The following ST18 variants were observed in gnomAD, a reference collection of about 807,000 sequenced individuals.
ST18 encodes the protein ST18 C2H2C-type zinc finger transcription factor, also known as suppression of tumorigenicity 18 protein.
In ST18, 50 loss-of-function variants were observed where a neutral mutation model predicts 110.0. The observed-to-expected ratio is 0.45, with a 90% CI of 0.36 to 0.58. ST18 has a LOEUF of 0.58. ST18 is among the 20% of genes least tolerant of loss of function. ST18 has a pLI of 0.00. For missense variants in ST18, 1,306 were observed against 1,280.1 expected (o/e 1.02, Z -0.31); for synonymous variants, 461 against 452.4 (o/e 1.02, Z -0.24).
Position 52,126,110 on chromosome 8 carries a change from A to C in ST18, c.2697T>G (p.Val899=). 1 of 1,614,100 alleles carries C rather than the reference A, an allele frequency of 6.2e-7. No homozygotes were observed. The highest frequency in any genetic ancestry group is 8.5e-7 in the Non-Finnish European group (1 of 1,179,988). The part of the protein sequence containing the change: ...SLSGCPLNAQ[V]IKKGKVSEEL... ...CTTCAGAAACCTTGCCCTTTTTGATAACTTGTGCATTGAGAGGACATCCAG... is the reference window on the plus strand; with the variant it reads ...CTTCAGAAACCTTGCCCTTTTTGATCACTTGTGCATTGAGAGGACATCCAG... Residue 899 remains valine, a synonymous_variant, in exon 23 of 26, where the codon GTT becomes GTG. Transcript: ENST00000689386.
chr8:52,244,268 T>C (rs1392078234), intron 2 of ST18, among the ~76,000 whole-genome samples: 1 of 152,216 alleles, frequency 6.6e-6, no homozygotes, highest in African/African-American at 2.4e-5. Context: ...CACGCTGTTC[T>C]ATAATCTGAA....
At position 52,133,118 on chromosome 8, in the gene ST18, C is replaced by T. The variant is rs1335255404; in HGVS notation, c.2383G>A (p.Ala795Thr). The T allele has an allele frequency of 6.2e-7, 1 of 1,614,036 alleles. No individual in the cohort carries two copies. ...GTCATTTTGACACCACCTTTCCTTG[C>T]ACGAGGGCATCCGGACAAGCTGAAA... The part of the protein sequence containing the change: ...SHRSLSGCPR[A>T]RKGGVKMTPT... Residue 795 changes from alanine to threonine, a missense_variant, in exon 21 of 26, where the codon GCA becomes ACA. Ala to Thr is a moderately conservative substitution (Grantham distance 58). Transcript: ENST00000689386.
intron 2 of ST18, among the ~76,000 whole-genome samples, chr8:52,378,515 A>G (rs1266184348): frequency 6.6e-6 from 1 of 152,194 alleles, no homozygotes; most frequent in African/African-American, 2.4e-5. Flanking sequence ...ACGTGTTTTA[A>G]TGTTCTCAAA....
intron 19 of ST18, among the ~76,000 whole-genome samples, chr8:52,136,025 A>G (rs1258337873): frequency 6.6e-6 from 1 of 152,230 alleles, no homozygotes; most frequent in African/African-American, 2.4e-5. Flanking sequence ...TTCTATACGT[A>G]ATATAATAAG....
intron 8 of ST18, among the ~76,000 whole-genome samples, chr8:52,206,202 C>T (rs1342618122): frequency 2.0e-5 from 3 of 152,098 alleles, no homozygotes; most frequent in African/African-American, 7.2e-5. Flanking sequence ...GTCCTGACAA[C>T]CTTATGGGCT....
chr8:52,170,839 A>G (rs2064685686), intron 10 of ST18, among the ~76,000 whole-genome samples: 1 of 152,232 alleles, frequency 6.6e-6, no homozygotes, highest in Non-Finnish European at 1.5e-5. Context: ...TGAGTGCTAA[A>G]ATGGATTTAA....
chr8:52,161,302 T>C, intron 14 of ST18, 73 bp downstream of exon 14: 1 of 1,492,066 alleles, frequency 6.7e-7, no homozygotes, highest in South Asian at 1.3e-5. Context: ...TACAGCCCCC[T>C]GGCCCCCAGT....
intron 25 of ST18, among the ~76,000 whole-genome samples, chr8:52,115,664 C>T (rs571787886): frequency 1.3e-5 from 2 of 152,264 alleles, no homozygotes; most frequent in East Asian, 3.9e-4. Context: ...ATGATGTTCA[C>T]ACAACATCAA....
intron 8 of ST18, among the ~76,000 whole-genome samples, chr8:52,185,870 G>A (rs932734417): frequency 1.7e-4 from 26 of 152,080 alleles, no homozygotes; most frequent in African/African-American, 6.3e-4. Flanking sequence ...ACGACCTTGG[G>A]GTAGGCAAAA....
At chr8:52,313,653 C>G (rs1465600690) in intron 2 of ST18, among the ~76,000 whole-genome samples, 1 of 152,190 alleles carries the variant, frequency 6.6e-6, no homozygotes, top group African/African-American at 2.4e-5. Context: ...TGCAGCCACC[C>G]TTGCCTGAGA....
rs753216710 is a variant in ST18 at position 52,126,145 on chromosome 8, G to A, written c.2667-5C>T. The A allele has an allele frequency of 3.0e-5, 49 of 1,612,692 alleles. No individual in the cohort carries two copies. The highest frequency in any genetic ancestry group is 4.2e-5 in the Non-Finnish European group (49 of 1,179,054). On this transcript the variant is annotated splice_region_variant and splice_polypyrimidine_tract_variant and intron_variant, in intron 22 of 25. Coordinates refer to ENST00000689386, the MANE Select transcript of ST18 (RefSeq NM_001352837.2). ...TTGAGAGGACATCCAGATAAGCTGT[G>A]AAAATAGAAATTGTACTAATGTATG...
At chr8:52,205,703 G>T (rs368967126) in intron 8 of ST18, among the ~76,000 whole-genome samples, 1 of 152,218 alleles carries the variant, frequency 6.6e-6, no homozygotes. Flanking sequence ...GAGTAGATGG[G>T]ATTACAGGTG....
rs757374774 is a variant in ST18, at chr8:52,164,033, A to T, written c.1353T>A (p.Asn451Lys). ...AEKLAMSQDK[N>K]QLDSPQTGQC... Reference sequence around the variant, plus strand: ...GCCCAGTTTGGGGAGAATCAAGCTGATTTTTATCCTGGGACATTGCCAATT... The same window carrying T: ...GCCCAGTTTGGGGAGAATCAAGCTGTTTTTTATCCTGGGACATTGCCAATT... The change falls in exon 13 of 26, where the codon AAT becomes AAA. Residue 451 changes from asparagine (N) to lysine (K), a missense_variant. Coordinates refer to ENST00000689386, the MANE Select transcript of ST18 (RefSeq NM_001352837.2). The T allele has an allele frequency of 6.2e-7, 1 of 1,614,138 alleles. No homozygotes were observed. Among genetic ancestry groups the T allele is most frequent in the Admixed American group, 1.7e-5 (1 of 60,014 alleles).
At chr8:52,368,733 A>G (rs1277384059) in intron 2 of ST18, among the ~76,000 whole-genome samples, 1 of 152,020 alleles carries the variant, frequency 6.6e-6, no homozygotes, top group Non-Finnish European at 1.5e-5. Context: ...TCAAACATCT[A>G]AAAAAAATGC....
chr8:52,115,826 G>T (rs1258669114), intron 25 of ST18, among the ~76,000 whole-genome samples: 1 of 151,936 alleles, frequency 6.6e-6, no homozygotes, highest in Non-Finnish European at 1.5e-5. Context: ...GAGAACTGAA[G>T]TACGTTCTTC....
intron 2 of ST18, among the ~76,000 whole-genome samples, chr8:52,292,594 C>T (rs1217205437): frequency 6.6e-6 from 1 of 152,164 alleles, no homozygotes; most frequent in Non-Finnish European, 1.5e-5. Context: ...AATAAATAAG[C>T]TACTGACACA....
At chr8:52,365,890 G>A (rs1243712652) in intron 2 of ST18, among the ~76,000 whole-genome samples, 4 of 150,220 alleles carry the variant, frequency 2.7e-5, no homozygotes, top group Non-Finnish European at 5.9e-5. Context: ...TGTAGAGATA[G>A]GGGTCTCACT....
At chr8:52,170,176 T>A (rs1290462517) in intron 10 of ST18, among the ~76,000 whole-genome samples, 1 of 152,212 alleles carries the variant, frequency 6.6e-6, no homozygotes, top group Non-Finnish European at 1.5e-5. Context: ...TCTTCTGAGT[T>A]CAGAGATGAT....
chr8:52,372,410 C>T (rs1046078470), intron 2 of ST18, among the ~76,000 whole-genome samples: 4 of 152,080 alleles, frequency 2.6e-5, no homozygotes, highest in Non-Finnish European at 5.9e-5. Flanking sequence ...TAATTTATTA[C>T]TGAAGAGAGA....
Sources: allele counts gnomAD v4.1 joint callset (sites outside exome capture counted in the v4.1 genomes callset), GRCh38; gene constraint gnomAD v4.1.1; transcripts MANE v1.5; gene names NCBI Gene and HGNC (gene_info 2026-07-23, HGNC 2026-07-21).